Variants in PRKN observed in about 807,000 individuals in gnomAD.
PRKN encodes parkin RBR E3 ubiquitin protein ligase, also known as E3 ubiquitin-protein ligase parkin.
PRKN carries 56 observed loss-of-function variants against 59.5 expected under a neutral mutation model. The observed-to-expected ratio is 0.94, with a 90% CI of 0.76 to 1.18. The LOEUF is 1.18. Among genes scored for constraint, PRKN ranks in the 50% most tolerant of loss-of-function variants. The pLI, the probability that PRKN is intolerant of heterozygous loss-of-function variation, is 0.00. For missense variants in PRKN, 657 were observed against 596.4 expected, an observed-to-expected ratio of 1.10 and a Z score of -1.06; for synonymous variants, 250 against 222.1, an observed-to-expected ratio of 1.13 and a Z score of -1.12.
At chr6:161,981,505 C>A (rs552942996) in intron 5 of PRKN, among the ~76,000 whole-genome samples, 5 of 152,204 alleles carry the variant, frequency 3.3e-5, no homozygotes, top group African/African-American at 9.6e-5. Context: ...CATAGCAAGA[C>A]CCTGTCTTTA....
chr6:161,642,349 A>G (rs1783774789), intron 7 of PRKN, among the ~76,000 whole-genome samples: 1 of 152,196 alleles, frequency 6.6e-6, no homozygotes, highest in Non-Finnish European at 1.5e-5. Context: ...TTAGATATAG[A>G]TATTTGATGC....
intron 5 of PRKN, among the ~76,000 whole-genome samples, chr6:162,024,325 T>C (rs1031622370): frequency 1.3e-5 from 2 of 150,416 alleles, no homozygotes; most frequent in African/African-American, 2.5e-5. Context: ...AGCCCCCAGG[T>C]AGCTGGGGGT....
intron 6 of PRKN, among the ~76,000 whole-genome samples, chr6:161,837,139 T>C (rs1303936033): frequency 6.6e-6 from 1 of 152,020 alleles, no homozygotes; most frequent in East Asian, 1.9e-4. Context: ...TGGAAGAAAA[T>C]GTCCTGTAGC....
intron 6 of PRKN, among the ~76,000 whole-genome samples, chr6:161,876,319 T>G (rs1794729974): frequency 1.3e-5 from 2 of 152,172 alleles, no homozygotes; most frequent in South Asian, 4.2e-4. Context: ...CATCGTTACT[T>G]TTCTGTTTTT....
intron 1 of PRKN, among the ~76,000 whole-genome samples, chr6:162,669,908 C>T (rs1055313533): frequency 6.6e-6 from 1 of 152,066 alleles, no homozygotes; most frequent in Admixed American, 6.6e-5. Flanking sequence ...AAAAAGTGTC[C>T]ACTTAAATAC....
rs762437710 is a variant in PRKN at position 162,262,513 on chromosome 6, C to A, written c.412+12G>T. On this transcript the variant is annotated intron_variant, in intron 3 of 11. Coordinates refer to ENST00000366898, the MANE Select transcript of PRKN (RefSeq NM_004562.3). The stretch of plus-strand genomic sequence containing the variant: ...ACAAAATGCTTTAATAATCTTAGAG[C>A]ATTCCAATTACCTGGACTTCCAGCT... 5 of 1,614,014 alleles carry A rather than the reference C, an allele frequency of 3.1e-6. No homozygotes were observed. In the South Asian group the frequency reaches 5.5e-5, roughly 18 times the overall value.
At chr6:161,994,019 C>T (rs1781747465) in intron 5 of PRKN, among the ~76,000 whole-genome samples, 1 of 152,146 alleles carries the variant, frequency 6.6e-6, no homozygotes, top group East Asian at 1.9e-4. Context: ...CTAGGCCCTA[C>T]CTCTAACATT....
intron 9 of PRKN, among the ~76,000 whole-genome samples, chr6:161,506,381 C>G (rs1319541040): frequency 1.3e-5 from 2 of 152,062 alleles, no homozygotes; most frequent in Non-Finnish European, 2.9e-5. Context: ...GATTTTGTAT[C>G]CTGAGACTTT....
At chr6:162,597,958 C>G (rs930527742) in intron 1 of PRKN, among the ~76,000 whole-genome samples, 1 of 152,084 alleles carries the variant, frequency 6.6e-6, no homozygotes, top group Non-Finnish European at 1.5e-5. Flanking sequence ...ATATATTGAG[C>G]ATTTTCAATG....
intron 2 of PRKN, among the ~76,000 whole-genome samples, chr6:162,394,824 G>C (rs1388761830): frequency 6.6e-6 from 1 of 152,214 alleles, no homozygotes; most frequent in Non-Finnish European, 1.5e-5. Context: ...AGATGTTACT[G>C]TGGTTATGAT....
chr6:162,591,319 TTGCTAAG>T (rs1302819350), intron 1 of PRKN, among the ~76,000 whole-genome samples: 1 of 152,142 alleles, frequency 6.6e-6, no homozygotes, highest in East Asian at 1.9e-4. Context: ...GTGTTCTGCT[TTGCTAAG>T]TGCTGAGTAT....
chr6:161,499,355 T>A lies in PRKN; in HGVS notation c.1083+49499A>T, dbSNP rs1193470447. Among the ~76,000 whole-genome samples the A allele has an allele frequency of 6.6e-6, 1 of 152,158 alleles. No homozygotes were observed. On this transcript the variant is annotated intron_variant, in intron 9 of 11. Coordinates refer to ENST00000366898, the MANE Select transcript of PRKN (RefSeq NM_004562.3). This position sits in a 1 kb window ranked among gnomAD's most constrained non-coding sequence, Gnocchi z 4.2. The stretch of plus-strand genomic sequence containing the variant: ...TTCTGTCCCATGTCTCTATCAAAAG[T>A]GGGAAAGGGCTGTGTTTTTCTAAAA...
At chr6:162,595,562 T>C (rs1781469333) in intron 1 of PRKN, among the ~76,000 whole-genome samples, 1 of 152,184 alleles carries the variant, frequency 6.6e-6, no homozygotes, top group Non-Finnish European at 1.5e-5. Flanking sequence ...GGCTTGTTCC[T>C]GATTTTTCTT....
intron 1 of PRKN, among the ~76,000 whole-genome samples, chr6:162,526,722 A>G (rs1778302084): frequency 6.6e-6 from 1 of 152,198 alleles, no homozygotes; most frequent in Admixed American, 6.5e-5. Context: ...TAGATGGAAG[A>G]AAAAGAAAAG....
intron 6 of PRKN, among the ~76,000 whole-genome samples, chr6:161,827,957 G>C (rs1228722913): frequency 6.6e-6 from 1 of 152,152 alleles, no homozygotes; most frequent in Non-Finnish European, 1.5e-5. Context: ...GCCTTTTCTA[G>C]AGTGCCACCG....
At chr6:162,479,679 C>T (rs1366970792) in intron 1 of PRKN, among the ~76,000 whole-genome samples, 1 of 152,066 alleles carries the variant, frequency 6.6e-6, no homozygotes, top group African/African-American at 2.4e-5. Context: ...AAACATAGAG[C>T]TGTCATCTCC....
chr6:162,397,464 A>G (rs1787532714), intron 2 of PRKN, among the ~76,000 whole-genome samples: 1 of 152,024 alleles, frequency 6.6e-6, no homozygotes. Context: ...TACATCTTCT[A>G]TATGCACACG....
intron 1 of PRKN, 98 bp from the exon 2 acceptor site, chr6:162,443,571 C>A (rs1790168124): frequency 1.9e-6 from 2 of 1,062,052 alleles, no homozygotes; most frequent in African/African-American, 1.6e-5. Context: ...CCCCTCGCAG[C>A]CCTTCAGTGA....
At chr6:162,191,110 G>T (rs1784260480) in intron 4 of PRKN, among the ~76,000 whole-genome samples, 1 of 152,206 alleles carries the variant, frequency 6.6e-6, no homozygotes, top group Admixed American at 6.5e-5. Context: ...ACGCAGGAAA[G>T]AAACTGATGA....
Sources: allele counts gnomAD v4.1 joint callset (sites outside exome capture counted in the v4.1 genomes callset), GRCh38; gene constraint gnomAD v4.1.1; non-coding constraint Gnocchi (gnomAD v3.1); transcripts MANE v1.5; gene names NCBI Gene and HGNC (gene_info 2026-07-23, HGNC 2026-07-21).